Variants in MEIS2 observed in about 807,000 individuals in gnomAD.
The protein encoded by MEIS2 is Meis homeobox 2, also known as homeobox protein Meis2.
In MEIS2, 9 loss-of-function variants were observed where a neutral mutation model predicts 58.6. That is an observed-to-expected ratio of 0.15 (90% confidence interval 0.09 to 0.27). The LOEUF is 0.27. Ranked by LOEUF, MEIS2 falls within the 10% of genes least tolerant of loss-of-function variation. The probability of loss-of-function intolerance (pLI) is 1.00; values close to 1 mark genes in which losing one functional copy is unlikely to be tolerated. For missense variants in MEIS2, 427 were observed against 635.0 expected, an observed-to-expected ratio of 0.67 and a Z score of 3.52; for synonymous variants, 221 against 228.4, an observed-to-expected ratio of 0.97 and a Z score of 0.29.
In MEIS2 at chr15:37,094,519, C is replaced by T. The variant is rs755880832; in HGVS notation, c.489+8G>A. 1 of 1,612,572 alleles carries T rather than the reference C, an allele frequency of 6.2e-7. No individual in the cohort carries two copies. Among genetic ancestry groups the T allele is most frequent in the Non-Finnish European group, 8.5e-7 (1 of 1,179,256 alleles). On this transcript the variant is annotated splice_region_variant and intron_variant, in intron 5 of 11. Transcript: ENST00000561208. The stretch of plus-strand genomic sequence containing the variant: ...TAATCAACACGGGGAGCGTTATTTC[C>T]TGCTTACCTTTTCTAACTCCAAAAG...
chr15:36,909,067 T>A (rs2056880052), intron 9 of MEIS2, among the ~76,000 whole-genome samples: 1 of 152,194 alleles, frequency 6.6e-6, no homozygotes, highest in South Asian at 2.1e-4. Context: ...TTAATACTTT[T>A]AAAGTTAATG....
chr15:37,004,640 A>G (rs192041063), intron 8 of MEIS2, among the ~76,000 whole-genome samples: 1 of 152,050 alleles, frequency 6.6e-6, no homozygotes, highest in Non-Finnish European at 1.5e-5. Flanking sequence ...TGTCATTAGC[A>G]CTCTTGATAC....
intron 8 of MEIS2, among the ~76,000 whole-genome samples, chr15:36,957,102 A>G (rs748031533): frequency 1.3e-5 from 2 of 152,154 alleles, no homozygotes; most frequent in African/African-American, 2.4e-5. Flanking sequence ...AATTTGAAAG[A>G]TAGAGGCTTT....
At chr15:36,896,484 G>A (rs183930479) in intron 10 of MEIS2, 144 bp downstream of exon 10, 1 of 548,682 alleles carries the variant, frequency 1.8e-6, no homozygotes, top group African/African-American at 1.9e-5. Context: ...TTGCTTCCTT[G>A]AGTGGGATTC....
At chr15:36,995,984 T>C (rs1201430856) in intron 8 of MEIS2, among the ~76,000 whole-genome samples, 125 of 76,698 alleles carry the variant, frequency 1.6e-3, no homozygotes, top group African/African-American at 4.4e-3. Flanking sequence ...TATATATATA[T>C]ATATATATAT....
intron 8 of MEIS2, among the ~76,000 whole-genome samples, chr15:36,958,846 T>C (rs1181800277): frequency 6.6e-6 from 1 of 152,208 alleles, no homozygotes; most frequent in African/African-American, 2.4e-5. Flanking sequence ...TAACAATCAT[T>C]TCACATTTCC....
chr15:36,912,831 GAAAA>G (rs76421752), intron 9 of MEIS2, among the ~76,000 whole-genome samples: 2 of 100,956 alleles, frequency 2.0e-5, no homozygotes, highest in Admixed American at 2.0e-4. Context: ...CCCCACTCCT[GAAAA>G]AAAAAAAAAA....
chr15:36,990,861 T>C (rs2060248561), intron 8 of MEIS2, among the ~76,000 whole-genome samples: 1 of 152,132 alleles, frequency 6.6e-6, no homozygotes, highest in East Asian at 1.9e-4. Flanking sequence ...AATTTTCTTC[T>C]GAGGGAGGAT....
intron 7 of MEIS2, among the ~76,000 whole-genome samples, chr15:37,069,019 C>T (rs1186233640): frequency 3.9e-5 from 6 of 152,134 alleles, no homozygotes; most frequent in African/African-American, 1.4e-4. Context: ...AAAAGTCTGA[C>T]ACATTATTTT....
At chr15:36,972,260 A>C (rs979598377) in intron 8 of MEIS2, among the ~76,000 whole-genome samples, 1 of 152,220 alleles carries the variant, frequency 6.6e-6, no homozygotes, top group African/African-American at 2.4e-5. Context: ...TGTAACTAAA[A>C]GGACTGAGTT....
At chr15:37,045,975 G>A (rs1767147782) in intron 7 of MEIS2, among the ~76,000 whole-genome samples, 1 of 152,174 alleles carries the variant, frequency 6.6e-6, no homozygotes, top group African/African-American at 2.4e-5. Flanking sequence ...TCCCCCCGGG[G>A]TATGAGCAGA....
intron 9 of MEIS2, chr15:36,897,731 G>C (rs1370367301): frequency 6.6e-6 from 1 of 152,208 alleles, no homozygotes; most frequent in Non-Finnish European, 1.5e-5. Context: ...CGGAGGAGCA[G>C]GGAGCATCCA....
intron 8 of MEIS2, among the ~76,000 whole-genome samples, chr15:36,960,581 A>G (rs2059147207): frequency 6.6e-6 from 1 of 152,100 alleles, no homozygotes. Context: ...GTATAAAACA[A>G]CAGCATTAGG....
chr15:37,094,503 C>G, intron 5 of MEIS2, 24 bp downstream of exon 5: 1 of 1,609,638 alleles, frequency 6.2e-7, no homozygotes, highest in South Asian at 1.1e-5. Flanking sequence ...TTAATCAACA[C>G]GGGGAGCGTT....
intron 8 of MEIS2, among the ~76,000 whole-genome samples, chr15:36,960,666 T>C (rs1255850863): frequency 6.6e-6 from 1 of 152,224 alleles, no homozygotes; most frequent in Non-Finnish European, 1.5e-5. Flanking sequence ...TATAAATGAG[T>C]GTTTCATACA....
chr15:37,082,020 T>C (rs929141986), intron 7 of MEIS2, among the ~76,000 whole-genome samples: 1 of 152,322 alleles, frequency 6.6e-6, no homozygotes, highest in East Asian at 1.9e-4. Flanking sequence ...CTCTTCTCTC[T>C]GGCCCTTTCT....
intron 2 of MEIS2, 75 bp downstream of exon 2, chr15:37,097,892 C>G (rs1567298384): frequency 6.7e-7 from 1 of 1,486,714 alleles, no homozygotes; most frequent in East Asian, 2.4e-5. Flanking sequence ...AGTCGTCCAC[C>G]TTCCCACCCC....
intron 8 of MEIS2, among the ~76,000 whole-genome samples, chr15:36,960,734 T>C (rs1331995885): frequency 6.6e-6 from 1 of 152,164 alleles, no homozygotes; most frequent in Non-Finnish European, 1.5e-5. Context: ...TGATATTTTT[T>C]CTGTTTAATT....
At chr15:37,058,142 C>G in intron 7 of MEIS2, among the ~76,000 whole-genome samples, 1 of 152,198 alleles carries the variant, frequency 6.6e-6, no homozygotes, top group East Asian at 1.9e-4. Context: ...TTCTTTTCTC[C>G]CTACTCCCCC....
Sources: gnomAD v4.1 joint callset for allele counts (sites outside exome capture counted in the v4.1 genomes callset) on GRCh38, gnomAD v4.1.1 for gene constraint, MANE v1.5 for transcripts, NCBI Gene and HGNC (gene_info 2026-07-23, HGNC 2026-07-21) for gene names.